The following MACROD2 variants were observed in gnomAD, a reference collection of about 807,000 sequenced individuals.
The protein encoded by MACROD2 is mono-ADP ribosylhydrolase 2.
In MACROD2, 36 loss-of-function variants were observed where a neutral mutation model predicts 70.4. That is an observed-to-expected ratio of 0.51 (90% CI 0.39 to 0.68). The LOEUF (loss-of-function observed/expected upper bound fraction) is 0.68. MACROD2 is among the 30% of genes least tolerant of loss of function. MACROD2 has a pLI of 0.00. For synonymous variants in MACROD2, 172 were observed against 178.8 expected (o/e 0.96, Z 0.30); for missense variants, 496 against 538.4 (o/e 0.92, Z 0.78).
chr20:15,120,467 G>A (rs113236835), intron 5 of MACROD2, among the ~76,000 whole-genome samples: 1 of 152,162 alleles, frequency 6.6e-6, no homozygotes, highest in African/African-American at 2.4e-5. Context: ...TTTTATATGC[G>A]TTTTATTTAA....
Position 15,173,011 on chromosome 20 carries a change from A to T in MACROD2, c.419-56929A>T, listed in dbSNP as rs1311248395. Among the ~76,000 whole-genome samples, 4 of 152,294 alleles carry T rather than the reference A, an allele frequency of 2.6e-5. No individual in the cohort carries two copies. The South Asian group carries it at 6.2e-4, about 24-fold the overall frequency. ...ACAGAAACTTAAAAGAATATTAATT[A>T]AAAAATATAACGTGAACATATATAA... On this transcript the variant is annotated intron_variant, in intron 5 of 17. Transcript: ENST00000684519.
chr20:14,877,859 G>A (rs1424255199), intron 5 of MACROD2, among the ~76,000 whole-genome samples: 1 of 152,014 alleles, frequency 6.6e-6, no homozygotes, highest in East Asian at 1.9e-4. Flanking sequence ...TCTGTATGCT[G>A]CTGGATTCAG....
chr20:14,819,774 C>T (rs1050346926), intron 5 of MACROD2, among the ~76,000 whole-genome samples: 2 of 152,024 alleles, frequency 1.3e-5, no homozygotes, highest in African/African-American at 4.8e-5. Flanking sequence ...GTGTTCTAGG[C>T]ACTGGGAAGG....
At chr20:14,990,345 AT>A (rs1477533916) in intron 5 of MACROD2, among the ~76,000 whole-genome samples, 1 of 152,028 alleles carries the variant, frequency 6.6e-6, no homozygotes, top group African/African-American at 2.4e-5. Flanking sequence ...CAGGGTAGTT[AT>A]TTTGGAAGTT....
intron 3 of MACROD2, among the ~76,000 whole-genome samples, chr20:14,100,916 AAGTT>A (rs1273331875): frequency 4.7e-5 from 7 of 147,376 alleles, no homozygotes; most frequent in African/African-American, 1.2e-4. Flanking sequence ...GACTTGACTT[AAGTT>A]AGTTCAAGAG....
At chr20:15,168,723 T>G (rs1408288615) in intron 5 of MACROD2, among the ~76,000 whole-genome samples, 1 of 152,120 alleles carries the variant, frequency 6.6e-6, no homozygotes, top group Non-Finnish European at 1.5e-5. Context: ...AGTGAGTTCC[T>G]GTAGTCCCAG....
intron 6 of MACROD2, among the ~76,000 whole-genome samples, chr20:15,315,386 G>A (rs1160961152): frequency 1.3e-5 from 2 of 152,122 alleles, no homozygotes; most frequent in Non-Finnish European, 2.9e-5. Context: ...GAGACTCACG[G>A]TGAGACACAT....
chr20:15,362,201 G>A lies in MACROD2; in HGVS notation c.541-69204G>A, dbSNP rs144747191. 8.5e-3 allele frequency among the ~76,000 whole-genome samples: 1,288 copies of A among 151,666 alleles called. 15 individuals carry two copies. Among genetic ancestry groups the A allele is most frequent in the Non-Finnish European group, 0.01 (711 of 67,864 alleles). On this transcript the variant is annotated intron_variant, in intron 6 of 17. Coordinates refer to ENST00000684519, the MANE Select transcript of MACROD2 (RefSeq NM_001351661.2). Reference sequence around the variant, plus strand: ...GAGTTTTTATATTTTTAGTAGAGACGGGGTTTCACCTAGAACTCCTGACCT... The same window carrying A: ...GAGTTTTTATATTTTTAGTAGAGACAGGGTTTCACCTAGAACTCCTGACCT...
chr20:14,317,830 A>G (rs1362133976), intron 3 of MACROD2, among the ~76,000 whole-genome samples: 1 of 152,096 alleles, frequency 6.6e-6, no homozygotes, highest in East Asian at 1.9e-4. Context: ...TCCTATCTCT[A>G]AAGTTATTGT....
intron 2 of MACROD2, among the ~76,000 whole-genome samples, chr20:14,039,011 T>C (rs951759523): frequency 6.6e-6 from 1 of 152,234 alleles, no homozygotes; most frequent in African/African-American, 2.4e-5. Context: ...TCTATGAACT[T>C]GCTTCTCAAA....
At chr20:14,712,515 C>T (rs966365030) in intron 5 of MACROD2, among the ~76,000 whole-genome samples, 1 of 152,162 alleles carries the variant, frequency 6.6e-6, no homozygotes, top group Non-Finnish European at 1.5e-5. Flanking sequence ...AGGGAATAGT[C>T]ACTGTTGAGA....
rs139628596 is a variant in MACROD2 at position 14,131,072 on chromosome 20, G to A, written c.271+45344G>A. On this transcript the variant is annotated intron_variant, in intron 3 of 17. Coordinates refer to ENST00000684519, the MANE Select transcript of MACROD2 (RefSeq NM_001351661.2). ...CCTGAATAGCTGGGACTGCAGGAAC[G>A]TGCCACCACACCTGGCTAATTTTAA... Among the ~76,000 whole-genome samples, 448 of 152,088 alleles carry A rather than the reference G, an allele frequency of 2.9e-3. 7 individuals are homozygous for A. The highest frequency in any genetic ancestry group is 0.01 in the African/African-American group (425 of 41,484).
chr20:15,828,458 G>C (rs188958602), intron 8 of MACROD2, among the ~76,000 whole-genome samples: 3 of 152,066 alleles, frequency 2.0e-5, no homozygotes, highest in Admixed American at 2.0e-4. Flanking sequence ...CTCTACTTCC[G>C]TTCAAAGGTA....
At chr20:15,791,470 T>C (rs1260608409) in intron 8 of MACROD2, among the ~76,000 whole-genome samples, 1 of 151,944 alleles carries the variant, frequency 6.6e-6, no homozygotes, top group Non-Finnish European at 1.5e-5. Flanking sequence ...GTTCAAAATA[T>C]GTTTTTAATA....
chr20:14,010,324 C>G (rs1283288971), intron 2 of MACROD2, among the ~76,000 whole-genome samples: 1 of 151,900 alleles, frequency 6.6e-6, no homozygotes, highest in Non-Finnish European at 1.5e-5. Context: ...TCTTCATTGT[C>G]TTAACATTGA....
chr20:14,734,235 A>G (rs1336058110), intron 5 of MACROD2, among the ~76,000 whole-genome samples: 2 of 152,082 alleles, frequency 1.3e-5, no homozygotes, highest in East Asian at 1.9e-4. Context: ...GTGGTGGCTC[A>G]CACCTGTAAT....
chr20:15,162,885 T>G (rs979313920), intron 5 of MACROD2, among the ~76,000 whole-genome samples: 3 of 152,068 alleles, frequency 2.0e-5, no homozygotes, highest in African/African-American at 7.2e-5. Flanking sequence ...AGCTTGGTGA[T>G]AACAAAGGAG....
intron 5 of MACROD2, among the ~76,000 whole-genome samples, chr20:15,180,102 T>C (rs1879620442): frequency 6.6e-6 from 1 of 152,152 alleles, no homozygotes; most frequent in Admixed American, 6.5e-5. Context: ...CAGATTGCAT[T>C]AGGGTTCATC....
chr20:15,910,690 G>A (rs1373142897), intron 10 of MACROD2, among the ~76,000 whole-genome samples: 3 of 152,160 alleles, frequency 2.0e-5, no homozygotes, highest in East Asian at 1.9e-4. Context: ...AATTGAACAC[G>A]TCGGTCCACG....
Sources: allele counts gnomAD v4.1 joint callset (sites outside exome capture counted in the v4.1 genomes callset), GRCh38; gene constraint gnomAD v4.1.1; transcripts MANE v1.5; gene names NCBI Gene and HGNC (gene_info 2026-07-23, HGNC 2026-07-21).